Variants in RNF185 observed in about 807,000 individuals in gnomAD.
RNF185 encodes the protein ring finger protein 185.
Under a neutral mutation model 24.9 loss-of-function variants are expected in RNF185, and 13 were observed. That is an observed-to-expected ratio of 0.52 (90% CI 0.34 to 0.83). The LOEUF (loss-of-function observed/expected upper bound fraction) is 0.83, where lower values mean the gene tolerates loss of function less well. Among genes scored for constraint, RNF185 ranks in the 40% least tolerant of loss-of-function variants. RNF185 has a pLI of 0.01. For missense variants in RNF185, 184 were observed against 244.7 expected, an observed-to-expected ratio of 0.75 and a Z score of 1.65; for synonymous variants, 79 against 90.3, an observed-to-expected ratio of 0.88 and a Z score of 0.71.
intron 2 of RNF185, among the ~76,000 whole-genome samples, chr22:31,188,052 C>G (rs1488009226): frequency 6.6e-6 from 1 of 152,064 alleles, no homozygotes; most frequent in African/African-American, 2.4e-5. Context: ...GGGACAGGCA[C>G]ATGCACTGTT....
rs2047954277 is a variant in RNF185, at chr22:31,173,674, C to CCTA, written c.-49+13371_-49+13372insCTA. On this transcript the variant is annotated intron_variant, in intron 1 of 6. Coordinates refer to ENST00000326132, the MANE Select transcript of RNF185 (RefSeq NM_152267.4). ...ATCCCAAGGGATGCTAATGATGATA[C>CCTA]AGTAGTGTTTACCTAAAGGCAGGCC... 3.3e-5 allele frequency among the ~76,000 whole-genome samples: 5 copies of CCTA among 152,108 alleles called. 1 individual carries two copies. The South Asian group carries it at 1.0e-3, about 32-fold the overall frequency.
intron 1 of RNF185, among the ~76,000 whole-genome samples, chr22:31,172,620 A>G (rs2047941230): frequency 6.6e-6 from 1 of 151,906 alleles, no homozygotes. Context: ...ATGATGGTGC[A>G]CACCTGTGGT....
In RNF185 at chr22:31,206,201, C is replaced by T. The variant is rs13158; in HGVS notation, c.*1615C>T. 120,395 of 152,116 alleles carry T rather than the reference C, an allele frequency of 0.79. 48,620 individuals carry two copies. The highest frequency in any genetic ancestry group is 0.95 in the African/African-American group (39,223 of 41,394). 9.4% of individuals were successfully genotyped at this position (152,116 alleles called of 1,614,324 possible). Reference sequence around the variant, plus strand: ...GATGAGGGAAGCCCTCCCCTCTTCACAGTCCCCATCTCTTCTCCTTTGTAC... The same window carrying T: ...GATGAGGGAAGCCCTCCCCTCTTCATAGTCCCCATCTCTTCTCCTTTGTAC... On this transcript the variant is annotated 3_prime_UTR_variant, in exon 7 of 7. Coordinates refer to ENST00000326132, the MANE Select transcript of RNF185 (RefSeq NM_152267.4).
intron 6 of RNF185, among the ~76,000 whole-genome samples, chr22:31,202,835 C>T (rs372972010): frequency 3.9e-5 from 6 of 152,056 alleles, no homozygotes; most frequent in South Asian, 2.1e-4. Flanking sequence ...AGGATGGTCT[C>T]GATCTCCTGA....
At chr22:31,188,329 A>AT (rs1256229703) in intron 2 of RNF185, among the ~76,000 whole-genome samples, 1 of 152,132 alleles carries the variant, frequency 6.6e-6, no homozygotes, top group African/African-American at 2.4e-5. Context: ...TGGAGCAGAG[A>AT]TTTTTGTTCT....
chr22:31,160,572 T>C (rs1214915543), intron 1 of RNF185, among the ~76,000 whole-genome samples: 1 of 152,208 alleles, frequency 6.6e-6, no homozygotes, highest in African/African-American at 2.4e-5. Context: ...TGATTCCCAT[T>C]CTATCCCCCG....
intron 1 of RNF185, among the ~76,000 whole-genome samples, chr22:31,168,003 A>G (rs1255043856): frequency 4.6e-5 from 7 of 152,168 alleles, no homozygotes; most frequent in Admixed American, 1.3e-4. Context: ...AAGTACATTC[A>G]TGTTCTAGAA....
chr22:31,186,969 A>G (rs1407737670), intron 1 of RNF185, 78 bp from the exon 2 acceptor site: 4 of 1,012,038 alleles, frequency 4.0e-6, no homozygotes, highest in Non-Finnish European at 5.9e-6. Flanking sequence ...TGGAGCCTAG[A>G]GAAGACAGGA....
At chr22:31,203,102 A>C (rs5749231) in intron 6 of RNF185, among the ~76,000 whole-genome samples, 50,168 of 151,974 alleles carry the variant, frequency 0.33, 10,270 homozygotes, top group African/African-American at 0.57. Flanking sequence ...CTAACCTTGG[A>C]TTCCCCAGCT....
rs1445448778 is a variant in RNF185 at position 31,196,919 on chromosome 22, C to T, written c.309-17C>T. ...AGCAATTTGTAATAGACTTATTTTA[C>T]ACCATTTCTGTTTCAGAGAGAAGAC... On this transcript the variant is annotated splice_polypyrimidine_tract_variant and intron_variant, in intron 4 of 6. Transcript: ENST00000326132. 11 of 1,611,306 alleles carry T rather than the reference C, an allele frequency of 6.8e-6. No individual in the cohort carries two copies. Among genetic ancestry groups the T allele is most frequent in the Non-Finnish European group, 9.3e-6 (11 of 1,178,966 alleles).
chr22:31,165,159 C>G (rs1923840267), intron 1 of RNF185, among the ~76,000 whole-genome samples: 1 of 151,888 alleles, frequency 6.6e-6, no homozygotes, highest in Non-Finnish European at 1.5e-5. Flanking sequence ...CTCAGGTGAT[C>G]TGTCTGCCTC....
At chr22:31,179,763 G>A (rs79419741) in intron 1 of RNF185, among the ~76,000 whole-genome samples, 1,878 of 152,302 alleles carry the variant, frequency 0.012, 12 homozygotes, top group Non-Finnish European at 0.018. Context: ...GATCCTGGTT[G>A]TCCCCTCATG....
At chr22:31,195,811 C>T (rs1287841517) in intron 4 of RNF185, among the ~76,000 whole-genome samples, 1 of 152,174 alleles carries the variant, frequency 6.6e-6, no homozygotes, top group Non-Finnish European at 1.5e-5. Context: ...TGTGCAGAGC[C>T]CTGTGAAAGA....
At chr22:31,175,278 C>T (rs1205920092) in intron 1 of RNF185, among the ~76,000 whole-genome samples, 1 of 151,570 alleles carries the variant, frequency 6.6e-6, no homozygotes, top group Non-Finnish European at 1.5e-5. Context: ...GGCGAAACCC[C>T]ATCTCTACAA....
chr22:31,191,063 C>G (rs1388812631), intron 2 of RNF185, among the ~76,000 whole-genome samples: 1 of 152,238 alleles, frequency 6.6e-6, no homozygotes, highest in African/African-American at 2.4e-5. Flanking sequence ...TAAGTACACT[C>G]TGTGATGCTC....
At chr22:31,166,769 C>T (rs1455866944) in intron 1 of RNF185, among the ~76,000 whole-genome samples, 2 of 152,116 alleles carry the variant, frequency 1.3e-5, no homozygotes, top group East Asian at 1.9e-4. Flanking sequence ...CCTGCCTCAG[C>T]CTCCCGAGTA....
rs113770725 is a variant in RNF185 at position 31,204,366 on chromosome 22, T to G, written c.482-123T>G. The G allele has an allele frequency of 6.0e-3, 4,092 of 680,886 alleles. 120 individuals are homozygous for G. The African/African-American group carries it at 0.061, about 10-fold the overall frequency. 42.2% of individuals were successfully genotyped at this position (680,886 alleles called of 1,614,324 possible). ...TCAAAAAAAAAAAAAAGAAATCTTTTTGTGTGTAGGATTCTGATGTTGTAA... is the reference window on the plus strand; with the variant it reads ...TCAAAAAAAAAAAAAAGAAATCTTTGTGTGTGTAGGATTCTGATGTTGTAA... On this transcript the variant is annotated intron_variant, in intron 6 of 6. Coordinates refer to ENST00000326132, the MANE Select transcript of RNF185 (RefSeq NM_152267.4).
intron 5 of RNF185, 155 bp downstream of exon 5, chr22:31,197,145 C>T: frequency 9.1e-7 from 1 of 1,098,916 alleles, no homozygotes; most frequent in Non-Finnish European, 1.3e-6. Context: ...CTTATAACCA[C>T]ACCAATCCAG....
At chr22:31,193,986 G>A (rs908914397) in intron 3 of RNF185, among the ~76,000 whole-genome samples, 6 of 145,064 alleles carry the variant, frequency 4.1e-5, no homozygotes, top group Admixed American at 6.9e-5. Context: ...TCCGCCTCCC[G>A]GGTTCAAGCG....
Sources: allele counts gnomAD v4.1 joint callset (sites outside exome capture counted in the v4.1 genomes callset), GRCh38; gene constraint gnomAD v4.1.1; transcripts MANE v1.5; gene names NCBI Gene and HGNC (gene_info 2026-07-23, HGNC 2026-07-21).